ABCB11: variants seen among roughly 807,000 people sequenced by gnomAD.
ABCB11 encodes the protein ATP binding cassette subfamily B member 11.
A neutral mutation model predicts 148.0 loss-of-function variants in ABCB11; 95 were observed. The observed-to-expected ratio is 0.64, with a 90% CI of 0.54 to 0.76. ABCB11 has a LOEUF of 0.76. Among genes scored for constraint, ABCB11 ranks in the 30% least tolerant of loss-of-function variants. ABCB11 has a pLI of 0.00. For missense variants in ABCB11, 1,523 were observed against 1,617.8 expected (o/e 0.94, Z 1.01); for synonymous variants, 591 against 555.4 (o/e 1.06, Z -0.90).
At chr2:168,949,939 C>G (rs2105920978) in intron 19 of ABCB11, among the ~76,000 whole-genome samples, 1 of 151,498 alleles carries the variant, frequency 6.6e-6, no homozygotes, top group South Asian at 2.1e-4. Flanking sequence ...CAGCCTACAT[C>G]TTTCTCTCCT....
intron 18 of ABCB11, among the ~76,000 whole-genome samples, chr2:168,959,917 G>A (rs1375626134): frequency 9.1e-6 from 1 of 109,408 alleles, no homozygotes; most frequent in South Asian, 3.4e-4. Context: ...TCGTGTGACA[G>A]AGCAAGACTG....
At chr2:169,000,805 A>T (rs1379456827) in intron 5 of ABCB11, among the ~76,000 whole-genome samples, 2 of 152,084 alleles carry the variant, frequency 1.3e-5, no homozygotes, top group Admixed American at 1.3e-4. Context: ...TTCTATATCT[A>T]CAAAAAATCT....
chr2:169,018,974 G>A (rs545390366), intron 1 of ABCB11, among the ~76,000 whole-genome samples: 6 of 152,236 alleles, frequency 3.9e-5, no homozygotes, highest in South Asian at 2.1e-4. Context: ...GGATGCTGAC[G>A]AGTGTGAGAG....
chr2:168,972,189 G>A, intron 13 of ABCB11, 139 bp from the exon 14 acceptor site: 1 of 712,818 alleles, frequency 1.4e-6, no homozygotes. Flanking sequence ...CTTGAAATGT[G>A]GTTCTTTATA....
chr2:168,934,270 C>T (rs187310725), intron 23 of ABCB11, among the ~76,000 whole-genome samples: 7 of 152,106 alleles, frequency 4.6e-5, no homozygotes, highest in Non-Finnish European at 7.4e-5. Context: ...GAGAGAAGTG[C>T]TGAAAGAGAT....
rs1183538543 is a variant in ABCB11 at position 168,923,488 on chromosome 2, G to A, written c.*134C>T. 6 of 806,212 alleles carry A rather than the reference G, an allele frequency of 7.4e-6. No individual in the cohort carries two copies. The East Asian group carries it at 1.3e-4, about 18-fold the overall frequency. 49.9% of individuals were successfully genotyped at this position (806,212 alleles called of 1,614,324 possible). On this transcript the variant is annotated 3_prime_UTR_variant, in exon 28 of 28. Transcript: ENST00000650372. The stretch of plus-strand genomic sequence containing the variant: ...TGGATTCCGATGTAGGAAAATGACT[G>A]TAAAAGTAAAATATTAACATTCTTC...
At chr2:169,025,124 T>TA (rs1157175103) in intron 1 of ABCB11, among the ~76,000 whole-genome samples, 4 of 152,162 alleles carry the variant, frequency 2.6e-5, no homozygotes, top group Non-Finnish European at 4.4e-5. Flanking sequence ...AATACAATAT[T>TA]AAAAAAATTT....
At chr2:168,917,878 G>C (rs954759315), downstream of ABCB11, among the ~76,000 whole-genome samples, 1 of 152,176 alleles carries the variant, frequency 6.6e-6, no homozygotes, top group Non-Finnish European at 1.5e-5. Context: ...GCTGATTTGA[G>C]CTAACATGTG....
chr2:168,938,427 A>T (rs1574408792), intron 21 of ABCB11, among the ~76,000 whole-genome samples: 1 of 152,232 alleles, frequency 6.6e-6, no homozygotes, highest in East Asian at 1.9e-4. Context: ...ACATAAAAGG[A>T]TAAATTCATA....
chr2:169,026,024 C>T (rs59362626), intron 1 of ABCB11, among the ~76,000 whole-genome samples: 2,186 of 152,310 alleles, frequency 0.014, 46 homozygotes, highest in African/African-American at 0.05. Context: ...AAAGAAATAA[C>T]AGCCATTCAT....
At chr2:169,003,922 T>C (rs544656246) in intron 5 of ABCB11, among the ~76,000 whole-genome samples, 9 of 152,292 alleles carry the variant, frequency 5.9e-5, no homozygotes, top group South Asian at 4.1e-4. Context: ...TTAAGTGCCA[T>C]TGGATACAAA....
chr2:168,934,760 C>T (rs1336348829), intron 23 of ABCB11, among the ~76,000 whole-genome samples: 1 of 152,186 alleles, frequency 6.6e-6, no homozygotes, highest in Non-Finnish European at 1.5e-5. Flanking sequence ...TTTTACTCCT[C>T]TCATCAAAAA....
chr2:169,004,137 G>T (rs185440463), intron 5 of ABCB11, among the ~76,000 whole-genome samples: 5 of 152,232 alleles, frequency 3.3e-5, no homozygotes, highest in Admixed American at 2.6e-4. Flanking sequence ...CCTAGGTGAT[G>T]ATCTTTTTGC....
intron 12 of ABCB11, among the ~76,000 whole-genome samples, chr2:168,974,409 G>C (rs1164445238): frequency 6.6e-6 from 1 of 151,660 alleles, no homozygotes; most frequent in Non-Finnish European, 1.5e-5. Flanking sequence ...GAAAGAATGA[G>C]AAGCTAATTC....
chr2:169,012,356 C>T (rs1695211835), intron 5 of ABCB11, among the ~76,000 whole-genome samples: 1 of 152,118 alleles, frequency 6.6e-6, no homozygotes, highest in South Asian at 2.1e-4. Flanking sequence ...ACGACAGACT[C>T]ACTGATTACA....
intron 23 of ABCB11, among the ~76,000 whole-genome samples, chr2:168,934,709 T>G (rs548179107): frequency 1.3e-5 from 2 of 152,234 alleles, no homozygotes; most frequent in Admixed American, 6.5e-5. Flanking sequence ...ACAACGATCA[T>G]ATTAATTCAC....
intron 16 of ABCB11, 72 bp from the exon 17 acceptor site, chr2:168,968,562 C>T: frequency 8.1e-7 from 1 of 1,240,492 alleles, no homozygotes; most frequent in Non-Finnish European, 1.1e-6. Context: ...GAATTCTTTA[C>T]TATGTTTGCT....
intron 5 of ABCB11, among the ~76,000 whole-genome samples, chr2:169,001,537 T>C (rs1558919951): frequency 6.6e-6 from 1 of 151,940 alleles, no homozygotes; most frequent in East Asian, 1.9e-4. Flanking sequence ...ATTGACACCA[T>C]GGGGGTGAGT....
chr2:169,028,494 C>T (rs1167049527), intron 1 of ABCB11, among the ~76,000 whole-genome samples: 1 of 152,038 alleles, frequency 6.6e-6, no homozygotes, highest in East Asian at 1.9e-4. Context: ...GGGAAGGACA[C>T]ATGCAAAGGC....
Sources: gnomAD v4.1 joint callset for allele counts (sites outside exome capture counted in the v4.1 genomes callset) on GRCh38, gnomAD v4.1.1 for gene constraint, MANE v1.5 for transcripts, NCBI Gene and HGNC (gene_info 2026-07-23, HGNC 2026-07-21) for gene names.